The following NRCAM variants were observed in gnomAD, a reference collection of about 807,000 sequenced individuals.
NRCAM encodes neuronal cell adhesion molecule, also known as NgCAM-related cell adhesion molecule.
A neutral mutation model predicts 156.5 loss-of-function variants in NRCAM; 83 were observed. That is an observed-to-expected ratio of 0.53 (90% CI 0.44 to 0.64). The LOEUF is 0.64. Among genes scored for constraint, NRCAM ranks in the 30% least tolerant of loss-of-function variants. The probability of loss-of-function intolerance (pLI) is 0.00; values close to 1 mark genes in which losing one functional copy is unlikely to be tolerated. For missense variants in NRCAM, 1,417 were observed against 1,597.3 expected (o/e 0.89, Z 1.92); for synonymous variants, 538 against 563.9 (o/e 0.95, Z 0.65).
chr7:108,200,593 C>A (rs2077398246), intron 13 of NRCAM, among the ~76,000 whole-genome samples: 1 of 152,156 alleles, frequency 6.6e-6, no homozygotes, highest in Non-Finnish European at 1.5e-5. Context: ...TTTCTGGAGA[C>A]TTGTTCTCTG....
intron 3 of NRCAM, among the ~76,000 whole-genome samples, chr7:108,241,836 G>T (rs927367434): frequency 2.0e-5 from 3 of 152,100 alleles, no homozygotes; most frequent in South Asian, 2.1e-4. Context: ...GATCAAATTA[G>T]TTGTACGATC....
At chr7:108,436,282 A>G (rs1294445535) in intron 1 of NRCAM, among the ~76,000 whole-genome samples, 1 of 152,250 alleles carries the variant, frequency 6.6e-6, no homozygotes, top group African/African-American at 2.4e-5. Context: ...TGTGAGTTTT[A>G]TAAAGATTCT....
At chr7:108,255,428 G>A (rs954771828) in intron 3 of NRCAM, among the ~76,000 whole-genome samples, 14 of 152,282 alleles carry the variant, frequency 9.2e-5, no homozygotes, top group African/African-American at 2.2e-4. Flanking sequence ...TGGGCCTCCC[G>A]AGGTGCCGGG....
At chr7:108,312,982 C>G (rs970458594) in intron 2 of NRCAM, among the ~76,000 whole-genome samples, 2 of 152,130 alleles carry the variant, frequency 1.3e-5, no homozygotes, top group African/African-American at 2.4e-5. Context: ...TAGAGAATCA[C>G]GTCTGATTCC....
intron 8 of NRCAM, among the ~76,000 whole-genome samples, chr7:108,229,339 T>C (rs1330675530): frequency 2.0e-5 from 3 of 152,220 alleles, no homozygotes; most frequent in African/African-American, 7.2e-5. Flanking sequence ...TGTAGCTCAC[T>C]GCAGCCTTGA....
intron 2 of NRCAM, among the ~76,000 whole-genome samples, chr7:108,382,595 T>A (rs921748759): frequency 6.6e-6 from 1 of 151,884 alleles, no homozygotes; most frequent in Non-Finnish European, 1.5e-5. Flanking sequence ...GGCAACAGAA[T>A]GAGACTCCAT....
At chr7:108,354,584 A>G (rs1044525166) in intron 2 of NRCAM, among the ~76,000 whole-genome samples, 1 of 152,212 alleles carries the variant, frequency 6.6e-6, no homozygotes, top group Non-Finnish European at 1.5e-5. Context: ...ATTATGCTGG[A>G]TAAGAACAAC....
intron 1 of NRCAM, among the ~76,000 whole-genome samples, chr7:108,410,223 G>T (rs953928250): frequency 6.6e-6 from 1 of 152,168 alleles, no homozygotes; most frequent in Non-Finnish European, 1.5e-5. Context: ...AATAGCCCTT[G>T]ATTAAATTTG....
chr7:108,432,489 C>A lies in NRCAM; in HGVS notation c.-332+23754G>T, dbSNP rs531650968. Among the ~76,000 whole-genome samples, 22 of 152,320 alleles carry A rather than the reference C, an allele frequency of 1.4e-4. No individual in the cohort carries two copies. In the South Asian group the frequency reaches 4.6e-3, roughly 32 times the overall value. On this transcript the variant is annotated intron_variant, in intron 1 of 32. Coordinates refer to ENST00000379028, the MANE Select transcript of NRCAM (RefSeq NM_001037132.4). ...GGAGGATTCTCAAAGTTATAAAAAA[C>A]CCAGTAAATGGACATGTTGAAAATT...
At chr7:108,233,922 T>C (rs927453710) in intron 6 of NRCAM, among the ~76,000 whole-genome samples, 9 of 152,194 alleles carry the variant, frequency 5.9e-5, no homozygotes, top group Admixed American at 1.3e-4. Flanking sequence ...TTCCCATCTA[T>C]AAAATGTATT....
chr7:108,239,729 G>A (rs941115335), intron 4 of NRCAM, among the ~76,000 whole-genome samples: 1 of 152,180 alleles, frequency 6.6e-6, no homozygotes, highest in African/African-American at 2.4e-5. Flanking sequence ...GCACCTGAGG[G>A]GGAAGAAGGA....
At chr7:108,325,998 T>C (rs939961125) in intron 2 of NRCAM, among the ~76,000 whole-genome samples, 2 of 152,178 alleles carry the variant, frequency 1.3e-5, no homozygotes, top group East Asian at 1.9e-4. Flanking sequence ...TATGTACTAG[T>C]CAATCTTTAA....
intron 28 of NRCAM, among the ~76,000 whole-genome samples, chr7:108,170,173 CAT>C (rs200648063): frequency 1.0e-4 from 15 of 150,478 alleles, no homozygotes; most frequent in South Asian, 2.1e-4. Flanking sequence ...AAGAAATTAC[CAT>C]ATATATATAT....
intron 3 of NRCAM, among the ~76,000 whole-genome samples, chr7:108,252,749 C>T (rs914048841): frequency 3.3e-5 from 5 of 152,208 alleles, no homozygotes; most frequent in African/African-American, 1.2e-4. Context: ...GACAAGCTAT[C>T]AAGCAAGATG....
chr7:108,255,694 C>T (rs1346191810), intron 3 of NRCAM, among the ~76,000 whole-genome samples: 1 of 151,066 alleles, frequency 6.6e-6, no homozygotes, highest in Admixed American at 6.6e-5. Context: ...AGCGCCTCTA[C>T]CCCGCTGCCC....
At chr7:108,302,401 C>T (rs2098640554) in intron 3 of NRCAM, among the ~76,000 whole-genome samples, 1 of 152,040 alleles carries the variant, frequency 6.6e-6, no homozygotes, top group Non-Finnish European at 1.5e-5. Flanking sequence ...CCCGAGAAAC[C>T]ACTCCTCTTC....
At chr7:108,153,376 T>C (rs899476662) in intron 32 of NRCAM, among the ~76,000 whole-genome samples, 15 of 151,878 alleles carry the variant, frequency 9.9e-5, no homozygotes, top group Admixed American at 9.2e-4. Flanking sequence ...GAAAGAGGTA[T>C]ATGAAAAAAC....
chr7:108,212,318 A>G (rs1418283172), intron 11 of NRCAM, among the ~76,000 whole-genome samples: 1 of 152,222 alleles, frequency 6.6e-6, no homozygotes, highest in Non-Finnish European at 1.5e-5. Flanking sequence ...CAACTCTGGT[A>G]ATATGACTAA....
At chr7:108,226,835 T>C (rs185128269) in intron 8 of NRCAM, among the ~76,000 whole-genome samples, 19 of 152,318 alleles carry the variant, frequency 1.2e-4, no homozygotes, top group Admixed American at 1.1e-3. Context: ...CATCTAACAA[T>C]GAGCTGGGTC....
Sources: allele counts gnomAD v4.1 joint callset (sites outside exome capture counted in the v4.1 genomes callset), GRCh38; gene constraint gnomAD v4.1.1; transcripts MANE v1.5; gene names NCBI Gene and HGNC (gene_info 2026-07-23, HGNC 2026-07-21).